Variants in ADK observed in about 807,000 individuals in gnomAD.
ADK encodes adenosine kinase, also known as N6,N6-dimethyladenosine kinase.
A neutral mutation model predicts 44.7 loss-of-function variants in ADK; 24 were observed. That is an observed-to-expected ratio of 0.54 (90% CI 0.39 to 0.76). The LOEUF (loss-of-function observed/expected upper bound fraction) is 0.76, where lower values mean the gene tolerates loss of function less well. Ranked by LOEUF, ADK falls within the 30% of genes least tolerant of loss-of-function variation. ADK has a pLI of 0.00. For synonymous variants in ADK, 128 were observed against 142.6 expected (o/e 0.90, Z 0.73); for missense variants, 321 against 425.1 (o/e 0.76, Z 2.15).
In ADK at chr10:74,433,683, AAGTC is replaced by A. The variant is rs561384563; in HGVS notation, c.555+35110_555+35113del. On this transcript the variant is annotated intron_variant, in intron 6 of 10. Transcript: ENST00000539909. ...AATTATTTGAATCCAATAATCATTT[AAGTC>A]AGTCATTCAGTAACTATTTACCAAT... Among the ~76,000 whole-genome samples the A allele has an allele frequency of 2.2e-3, 331 of 152,330 alleles. 2 individuals are homozygous for A. Among genetic ancestry groups the A allele is most frequent in the African/African-American group, 7.5e-3 (313 of 41,578 alleles).
intron 5 of ADK, 74 bp from the exon 6 acceptor site, chr10:74,398,397 T>A (rs1353804217): frequency 2.1e-6 from 2 of 937,924 alleles, no homozygotes; most frequent in Non-Finnish European, 3.2e-6. Flanking sequence ...TTGCAAAAAA[T>A]ATTGGTAATT....
At position 74,354,351 on chromosome 10, in the gene ADK, G is replaced by A. The variant is rs576389193; in HGVS notation, c.273+39606G>A. 3.8e-3 allele frequency among the ~76,000 whole-genome samples: 317 copies of A among 83,162 alleles called. 1 individual carries two copies. The highest frequency in any genetic ancestry group is 9.7e-3 in the African/African-American group (292 of 29,962). 54.6% of individuals were successfully genotyped at this position (83,162 alleles called of 152,430 possible). Reference sequence around the variant, plus strand: ...TTTGAATTTTTTCCTAGAAAAATTGGCATCTGTTACCCCTACACAATTCCT... The same window carrying A: ...TTTGAATTTTTTCCTAGAAAAATTGACATCTGTTACCCCTACACAATTCCT... On this transcript the variant is annotated intron_variant, in intron 4 of 10. Transcript: ENST00000539909.
At chr10:74,461,968 T>C (rs1846186331) in intron 6 of ADK, among the ~76,000 whole-genome samples, 1 of 152,126 alleles carries the variant, frequency 6.6e-6, no homozygotes, top group Admixed American at 6.5e-5. Flanking sequence ...ACAGGTTGCA[T>C]ATGGTATCTG....
intron 4 of ADK, among the ~76,000 whole-genome samples, chr10:74,376,596 CCAT>C (rs1334871644): frequency 6.6e-6 from 1 of 152,076 alleles, no homozygotes; most frequent in East Asian, 1.9e-4. Flanking sequence ...AAAAAACCCA[CCAT>C]CATATTATTC....
At chr10:74,184,523 GT>G (rs2132094364) in intron 1 of ADK, among the ~76,000 whole-genome samples, 1 of 150,478 alleles carries the variant, frequency 6.6e-6, no homozygotes, top group South Asian at 2.1e-4. Context: ...GTGTGTGTGT[GT>G]GTGTGTGTGT....
rs1410225583 is a variant in ADK at position 74,401,436 on chromosome 10, A to G, written c.555+2857A>G. ...ATCTGGGTGCTCCTGTATTGGGTGC[A>G]TATATATTTAGGATAGTTAGCTCTT... On this transcript the variant is annotated intron_variant, in intron 6 of 10. Coordinates refer to ENST00000539909, the MANE Select transcript of ADK (RefSeq NM_006721.4). 2.4e-4 allele frequency among the ~76,000 whole-genome samples: 36 copies of G among 152,134 alleles called. 1 individual carries two copies. Among genetic ancestry groups the G allele is most frequent in the Admixed American group, 2.4e-3 (36 of 15,274 alleles).
At chr10:74,572,623 G>A (rs371113512) in intron 7 of ADK, among the ~76,000 whole-genome samples, 2 of 152,134 alleles carry the variant, frequency 1.3e-5, no homozygotes, top group Admixed American at 6.5e-5. Flanking sequence ...CATTCTCCCC[G>A]TCACTTTCAG....
chr10:74,651,094 G>C (rs1854250788), intron 9 of ADK, among the ~76,000 whole-genome samples: 2 of 152,142 alleles, frequency 1.3e-5, no homozygotes, highest in African/African-American at 4.8e-5. Flanking sequence ...TTGGGGTGGT[G>C]GTGGGGAAAT....
At chr10:74,477,842 C>G (rs933404369) in intron 6 of ADK, among the ~76,000 whole-genome samples, 3 of 152,166 alleles carry the variant, frequency 2.0e-5, no homozygotes, top group East Asian at 1.9e-4. Context: ...TAAACAGAAT[C>G]AATGTTTATA....
At chr10:74,352,943 G>A (rs1254974414) in intron 4 of ADK, among the ~76,000 whole-genome samples, 1 of 152,228 alleles carries the variant, frequency 6.6e-6, no homozygotes, top group African/African-American at 2.4e-5. Context: ...TGGAGCAATA[G>A]GAATGCTTTT....
intron 7 of ADK, among the ~76,000 whole-genome samples, chr10:74,542,449 T>C (rs1280002427): frequency 6.6e-6 from 1 of 152,256 alleles, no homozygotes; most frequent in African/African-American, 2.4e-5. Flanking sequence ...GTCTTTAGCC[T>C]TTTGTGTATA....
At chr10:74,239,476 C>T (rs538435124) in intron 3 of ADK, among the ~76,000 whole-genome samples, 6 of 151,852 alleles carry the variant, frequency 4.0e-5, no homozygotes, top group African/African-American at 7.3e-5. Flanking sequence ...TTGGGGTGGT[C>T]GAAGCCAGTG....
chr10:74,491,702 G>A (rs1034151381), intron 6 of ADK, among the ~76,000 whole-genome samples: 1 of 152,106 alleles, frequency 6.6e-6, no homozygotes, highest in African/African-American at 2.4e-5. Context: ...CCAATAATTT[G>A]ATGAATGACC....
At chr10:74,493,499 GAGATATAGATATAT>G (rs1307262143) in intron 6 of ADK, among the ~76,000 whole-genome samples, 2 of 150,976 alleles carry the variant, frequency 1.3e-5, no homozygotes, top group African/African-American at 4.9e-5. Flanking sequence ...GATATAGAGA[GAGATATAGATATAT>G]AGATATAGAT....
At chr10:74,578,200 C>T (rs1233550059) in intron 7 of ADK, among the ~76,000 whole-genome samples, 1 of 152,066 alleles carries the variant, frequency 6.6e-6, no homozygotes, top group East Asian at 1.9e-4. Flanking sequence ...CATCTGAGGT[C>T]TTCTTTCTTC....
chr10:74,498,456 G>C (rs945946912), intron 6 of ADK, among the ~76,000 whole-genome samples: 2 of 152,172 alleles, frequency 1.3e-5, no homozygotes, highest in African/African-American at 4.8e-5. Flanking sequence ...CTGCTTTAGA[G>C]AACTGCTATT....
chr10:74,228,387 T>A (rs1844629351), intron 3 of ADK, among the ~76,000 whole-genome samples: 1 of 152,280 alleles, frequency 6.6e-6, no homozygotes, highest in Non-Finnish European at 1.5e-5. Flanking sequence ...TAGTTTGTTC[T>A]ATACATGATC....
intron 10 of ADK, among the ~76,000 whole-genome samples, chr10:74,685,090 T>C (rs1196389447): frequency 6.6e-6 from 1 of 152,010 alleles, no homozygotes; most frequent in African/African-American, 2.4e-5. Flanking sequence ...CTCTTCCAAA[T>C]GTCTAGAAAA....
intron 10 of ADK, among the ~76,000 whole-genome samples, chr10:74,684,009 G>C (rs1855706674): frequency 6.6e-6 from 1 of 152,212 alleles, no homozygotes; most frequent in Non-Finnish European, 1.5e-5. Context: ...TACTCAAACA[G>C]AGTATTGATT....
Sources: allele counts gnomAD v4.1 joint callset (sites outside exome capture counted in the v4.1 genomes callset), GRCh38; gene constraint gnomAD v4.1.1; transcripts MANE v1.5; gene names NCBI Gene and HGNC (gene_info 2026-07-23, HGNC 2026-07-21).